NKAIN2: variants seen among roughly 807,000 people sequenced by gnomAD.
NKAIN2 encodes sodium/potassium-transporting ATPase subunit beta-1-interacting protein 2.
In NKAIN2, 14 loss-of-function variants were observed where a neutral mutation model predicts 32.6. The ratio of observed to expected loss-of-function variants is 0.43; its 90% CI spans 0.28 to 0.67. NKAIN2 has a LOEUF of 0.67. Ranked by LOEUF, NKAIN2 falls within the 30% of genes least tolerant of loss-of-function variation. The pLI is 0.17. For missense variants in NKAIN2, 198 were observed against 258.3 expected (o/e 0.77, Z 1.60); for synonymous variants, 80 against 87.2 (o/e 0.92, Z 0.46).
At chr6:124,660,444 C>T (rs1266190545) in intron 4 of NKAIN2, among the ~76,000 whole-genome samples, 2 of 152,126 alleles carry the variant, frequency 1.3e-5, no homozygotes, top group African/African-American at 2.4e-5. Flanking sequence ...GACATACATA[C>T]CCAAAGAAAA....
intron 3 of NKAIN2, among the ~76,000 whole-genome samples, chr6:124,494,580 A>G (rs895277958): frequency 3.9e-5 from 6 of 152,150 alleles, no homozygotes; most frequent in Admixed American, 2.0e-4. Context: ...CTTTGTAAAT[A>G]TATTTAAAAT....
chr6:124,557,417 A>G (rs906461749), intron 3 of NKAIN2, among the ~76,000 whole-genome samples: 5 of 152,176 alleles, frequency 3.3e-5, no homozygotes, highest in Non-Finnish European at 1.5e-5. Context: ...TCCTCTTTCA[A>G]GGTAATCCTA....
chr6:124,188,262 C>T (rs1384442784), intron 1 of NKAIN2, among the ~76,000 whole-genome samples: 1 of 152,112 alleles, frequency 6.6e-6, no homozygotes, highest in East Asian at 1.9e-4. Context: ...AAAGAATTGG[C>T]TCATCTGATT....
At chr6:124,394,457 A>AGATAGATG in intron 3 of NKAIN2, among the ~76,000 whole-genome samples, 1 of 12,432 alleles carries the variant, frequency 8.0e-5, no homozygotes, top group East Asian at 2.7e-3. Flanking sequence ...AATCAATATG[A>AGATAGATG]GATAGATAGA....
At chr6:124,102,715 A>G (rs1191707156) in intron 1 of NKAIN2, among the ~76,000 whole-genome samples, 1 of 152,208 alleles carries the variant, frequency 6.6e-6, no homozygotes, top group East Asian at 1.9e-4. Flanking sequence ...ACTTTTCCAC[A>G]TCACATTGAT....
intron 3 of NKAIN2, among the ~76,000 whole-genome samples, chr6:124,374,676 A>C (rs924364201): frequency 6.6e-6 from 1 of 152,178 alleles, no homozygotes; most frequent in African/African-American, 2.4e-5. Context: ...ATGCAACTTC[A>C]GAGTGTCCTG....
At chr6:123,848,591 C>T (rs1775189109) in intron 1 of NKAIN2, among the ~76,000 whole-genome samples, 1 of 152,150 alleles carries the variant, frequency 6.6e-6, no homozygotes, top group Non-Finnish European at 1.5e-5. Context: ...GTTGTACAGG[C>T]CTGTGCAACT....
intron 3 of NKAIN2, among the ~76,000 whole-genome samples, chr6:124,560,753 T>C (rs1265426216): frequency 6.6e-6 from 1 of 152,234 alleles, no homozygotes; most frequent in Non-Finnish European, 1.5e-5. Context: ...CGAGTTTTGT[T>C]GCTTACCACA....
chr6:124,089,817 C>G (rs1398929168), intron 1 of NKAIN2, among the ~76,000 whole-genome samples: 6 of 151,960 alleles, frequency 3.9e-5, no homozygotes, highest in Non-Finnish European at 7.4e-5. Flanking sequence ...TCACCTTGTG[C>G]AGTAAATACT....
intron 1 of NKAIN2, among the ~76,000 whole-genome samples, chr6:124,136,806 T>A (rs1786815585): frequency 6.6e-6 from 1 of 152,066 alleles, no homozygotes; most frequent in Admixed American, 6.6e-5. Context: ...AAATCCAGCA[T>A]CTCTTTATGA....
At chr6:124,358,953 G>A (rs559533224) in intron 3 of NKAIN2, among the ~76,000 whole-genome samples, 3,612 of 151,170 alleles carry the variant, frequency 0.024, 89 homozygotes, top group Non-Finnish European at 0.034. Context: ...TTTTGTATAA[G>A]GTGTAAGGAA....
At chr6:124,064,343 G>A (rs1341832253) in intron 1 of NKAIN2, among the ~76,000 whole-genome samples, 1 of 152,066 alleles carries the variant, frequency 6.6e-6, no homozygotes, top group Non-Finnish European at 1.5e-5. Context: ...CTAAAAAAAT[G>A]TGAAATTTTG....
intron 1 of NKAIN2, among the ~76,000 whole-genome samples, chr6:124,156,033 C>T (rs1318279558): frequency 6.6e-6 from 1 of 150,982 alleles, no homozygotes; most frequent in Non-Finnish European, 1.5e-5. Flanking sequence ...TGGGTAAGTG[C>T]AGTGAAGGGA....
intron 1 of NKAIN2, among the ~76,000 whole-genome samples, chr6:123,983,220 T>C (rs962444702): frequency 1.3e-5 from 2 of 152,206 alleles, no homozygotes; most frequent in Non-Finnish European, 2.9e-5. Context: ...GACTTTCTTA[T>C]TGAGATGTCC....
At chr6:124,323,654 GTC>G (rs1436803858) in intron 2 of NKAIN2, among the ~76,000 whole-genome samples, 1 of 151,892 alleles carries the variant, frequency 6.6e-6, no homozygotes, top group Non-Finnish European at 1.5e-5. Context: ...CTATATGTCA[GTC>G]TCTCTGCCGA....
intron 3 of NKAIN2, among the ~76,000 whole-genome samples, chr6:124,574,903 C>G (rs1781270982): frequency 6.6e-6 from 1 of 152,160 alleles, no homozygotes; most frequent in South Asian, 2.1e-4. Flanking sequence ...GTAAGATGTA[C>G]TGGGTTATAC....
At chr6:123,886,112 G>A (rs1278506213) in intron 1 of NKAIN2, among the ~76,000 whole-genome samples, 1 of 151,962 alleles carries the variant, frequency 6.6e-6, no homozygotes, top group Non-Finnish European at 1.5e-5. Flanking sequence ...CAGAACAAAG[G>A]CATGCACTTT....
intron 1 of NKAIN2, among the ~76,000 whole-genome samples, chr6:123,936,142 TG>T (rs1252243891): frequency 6.6e-6 from 1 of 152,200 alleles, no homozygotes; most frequent in East Asian, 1.9e-4. Flanking sequence ...CTCTTCATTT[TG>T]GCCTTGAAGA....
chr6:124,233,084 C>T (rs1262928425), intron 1 of NKAIN2, among the ~76,000 whole-genome samples: 1 of 151,958 alleles, frequency 6.6e-6, no homozygotes, highest in African/African-American at 2.4e-5. Context: ...ATTATTTGGG[C>T]TACAGTTGGA....
Sources: allele counts gnomAD v4.1 joint callset (sites outside exome capture counted in the v4.1 genomes callset), GRCh38; gene constraint gnomAD v4.1.1; transcripts MANE v1.5; gene names NCBI Gene and HGNC (gene_info 2026-07-23, HGNC 2026-07-21).